The following MAFF variants were observed in gnomAD, a reference collection of about 807,000 sequenced individuals.
MAFF encodes the protein transcription factor MafF.
In MAFF, 4 loss-of-function variants were observed where a neutral mutation model predicts 2.7. The ratio of observed to expected loss-of-function variants is 1.48; its 90% CI spans 0.73 to 3.39. MAFF has a LOEUF of 3.39. Ranked by LOEUF, MAFF falls within the 30% of genes most tolerant of loss-of-function variation. The pLI is 0.01. For synonymous variants in MAFF, 113 were observed against 119.4 expected (o/e 0.95, Z 0.35); for missense variants, 190 against 246.6 (o/e 0.77, Z 1.54).
intron 1 of MAFF, among the ~76,000 whole-genome samples, chr22:38,206,141 C>G (rs1196212834): frequency 6.6e-6 from 1 of 152,148 alleles, no homozygotes; most frequent in African/African-American, 2.4e-5. Context: ...GGTTCCATCT[C>G]TCAGGCCTGG....
chr22:38,204,519 G>A (rs1472826108), intron 1 of MAFF, among the ~76,000 whole-genome samples: 1 of 152,116 alleles, frequency 6.6e-6, no homozygotes, highest in Non-Finnish European at 1.5e-5. Context: ...TTGAATGAAT[G>A]AGCCCTGGAT....
chr22:38,213,723 A>G, intron 1 of MAFF, 100 bp from the exon 2 acceptor site: 1 of 856,824 alleles, frequency 1.2e-6, no homozygotes, highest in South Asian at 1.4e-5. Context: ...ATCAGTTCTA[A>G]GATAGCAGAG....
At chr22:38,210,382 T>A (rs114391168) in intron 1 of MAFF, among the ~76,000 whole-genome samples, 2,331 of 152,194 alleles carry the variant, frequency 0.015, 66 homozygotes, top group African/African-American at 0.053. Context: ...CCCTGGACTG[T>A]CCCCACCTTG....
chr22:38,208,826 G>A (rs544480417), intron 1 of MAFF, among the ~76,000 whole-genome samples: 8 of 152,308 alleles, frequency 5.3e-5, no homozygotes, highest in African/African-American at 1.7e-4. Context: ...GCCAAACAAA[G>A]TAGAGGGGAG....
Position 38,205,842 on chromosome 22 carries a change from G to A in MAFF, c.-32+3630G>A, listed in dbSNP as rs997681780. Among the ~76,000 whole-genome samples the A allele has an allele frequency of 3.3e-5, 5 of 152,236 alleles. No individual in the cohort carries two copies. The South Asian group carries it at 1.0e-3, about 31-fold the overall frequency. ...AGCCTGGCAAAGGCAGAGGACCCAG[G>A]CCCCTTGGCAGCCCCTGGCCTGGGG... On this transcript the variant is annotated intron_variant, in intron 1 of 2. Transcript: ENST00000338483.
intron 1 of MAFF, among the ~76,000 whole-genome samples, chr22:38,210,282 A>T (rs539879671): frequency 1.0e-3 from 153 of 152,278 alleles, no homozygotes; most frequent in Non-Finnish European, 1.7e-3. Context: ...GCAAGCGCCA[A>T]CTTCCTTCTG....
intron 1 of MAFF, chr22:38,203,492 G>A (rs191704085): frequency 2.6e-5 from 4 of 152,338 alleles, no homozygotes; most frequent in African/African-American, 7.2e-5. Flanking sequence ...ACTGCACGGA[G>A]GGTTAATGAG....
intron 1 of MAFF, among the ~76,000 whole-genome samples, chr22:38,206,700 C>T (rs2091054592): frequency 6.6e-6 from 1 of 152,126 alleles, no homozygotes; most frequent in African/African-American, 2.4e-5. Context: ...TGATTATTCC[C>T]ACTTAGCAAG....
rs759821374 is a variant in MAFF at position 38,214,940 on chromosome 22, T to C, written c.*62T>C. On this transcript the variant is annotated 3_prime_UTR_variant, in exon 3 of 3. Coordinates refer to ENST00000338483, the MANE Select transcript of MAFF (RefSeq NM_012323.4). The surrounding 1 kb of genome is among the most constrained non-coding windows in gnomAD (Gnocchi z 6.3). Reference sequence around the variant, plus strand: ...GCCTCAGCTCCCTCCCCAAAGTGCCTGAGCGCCGCCTCTGTGCCCAGGTCC... The same window carrying C: ...GCCTCAGCTCCCTCCCCAAAGTGCCCGAGCGCCGCCTCTGTGCCCAGGTCC... The C allele has an allele frequency of 2.4e-6, 3 of 1,257,108 alleles. 1 individual carries two copies. Among genetic ancestry groups the C allele is most frequent in the South Asian group, 2.6e-5 (2 of 76,040 alleles). 77.9% of individuals were successfully genotyped at this position (1,257,108 alleles called of 1,614,324 possible).
chr22:38,202,300 C>G lies in MAFF; in HGVS notation c.-32+88C>G, dbSNP rs556478469. ...CCGGGATGCGCCTGGGGTGGGCGCC[C>G]GGGCCCGATCCGTCGGGGCTCCCGG... On this transcript the variant is annotated intron_variant, in intron 1 of 2. Coordinates refer to ENST00000338483, the MANE Select transcript of MAFF (RefSeq NM_012323.4). The surrounding 1 kb of genome is among the most constrained non-coding windows in gnomAD (Gnocchi z 7.4). 1 of 152,204 alleles carries G rather than the reference C, an allele frequency of 6.6e-6. No individual in the cohort carries two copies. The highest frequency in any genetic ancestry group is 2.4e-5 in the African/African-American group (1 of 41,572). 9.4% of individuals were successfully genotyped at this position (152,204 alleles called of 1,614,324 possible).
chr22:38,207,363 C>A (rs528757045), intron 1 of MAFF, among the ~76,000 whole-genome samples: 1 of 149,888 alleles, frequency 6.7e-6, no homozygotes, highest in Non-Finnish European at 1.5e-5. Flanking sequence ...CCTCATGATC[C>A]GCCCACCTCG....
In MAFF at chr22:38,214,829, G is replaced by GCCCCGCCCACGGCCCGGA. The variant is rs747019121; in HGVS notation, c.464_481dup (p.Asp155_Pro160dup). The GCCCCGCCCACGGCCCGGA allele has an allele frequency of 8.9e-4, 1,336 of 1,498,630 alleles. 2 individuals carry two copies. Among genetic ancestry groups the GCCCCGCCCACGGCCCGGA allele is most frequent in the Non-Finnish European group, 1.1e-3 (1,198 of 1,128,722 alleles). The allele number at this position is 1,498,630 out of a possible 1,614,324, so 92.8% of individuals were successfully genotyped here. A position where few individuals can be genotyped will look rare whatever the true frequency, so the allele number is the denominator to read the frequency against. The stretch of plus-strand genomic sequence containing the variant: ...AAGTCCACCCCGGGCTCGGGGTCTG[G>GCCCCGCCCACGGCCCGGA]CCCCGCCCACGGCCCGGACCCCGCC... On this transcript the variant is annotated inframe_insertion, in exon 3 of 3. Transcript: ENST00000338483. This position sits in a 1 kb window ranked among gnomAD's most constrained non-coding sequence, Gnocchi z 6.3.
intron 1 of MAFF, among the ~76,000 whole-genome samples, chr22:38,209,746 G>A (rs770148578): frequency 1.6e-4 from 24 of 150,890 alleles, no homozygotes; most frequent in Non-Finnish European, 2.7e-4. Context: ...CCCAGGAGGC[G>A]GAGGTTGCAG....
chr22:38,203,757 G>C (rs1287299272), intron 1 of MAFF: 1 of 152,244 alleles, frequency 6.6e-6, no homozygotes, highest in South Asian at 2.1e-4. Context: ...TGCTACAGCA[G>C]CCCGGACCCT....
intron 1 of MAFF, among the ~76,000 whole-genome samples, chr22:38,208,204 A>G (rs1256955886): frequency 2.0e-5 from 3 of 152,186 alleles, no homozygotes; most frequent in Non-Finnish European, 4.4e-5. Flanking sequence ...TGACCTCTAC[A>G]GTGTATACCA....
chr22:38,212,715 T>A (rs2091110184), intron 1 of MAFF, among the ~76,000 whole-genome samples: 1 of 152,074 alleles, frequency 6.6e-6, no homozygotes, highest in African/African-American at 2.4e-5. Flanking sequence ...GGGAAAACTT[T>A]CCCAAAACAG....
rs956953574 is a variant in MAFF, at chr22:38,202,661, C to G, written c.-32+449C>G. On this transcript the variant is annotated intron_variant, in intron 1 of 2. Coordinates refer to ENST00000338483, the MANE Select transcript of MAFF (RefSeq NM_012323.4). This position sits in a 1 kb window ranked among gnomAD's most constrained non-coding sequence, Gnocchi z 7.4. ...GCCTGGGTATCCTGCCCGGTGCGTG[C>G]GTGCGCTGTGTACCTCGGGGGCGTG... 1 of 153,238 alleles carries G rather than the reference C, an allele frequency of 6.5e-6. No homozygotes were observed. The highest frequency in any genetic ancestry group is 1.4e-5 in the Non-Finnish European group (1 of 69,086). The allele number at this position is 153,238 out of a possible 1,614,324, so 9.5% of individuals were successfully genotyped here.
chr22:38,209,500 G>T (rs868437829), intron 1 of MAFF, among the ~76,000 whole-genome samples: 1 of 152,094 alleles, frequency 6.6e-6, no homozygotes, highest in Non-Finnish European at 1.5e-5. Context: ...GTGTAGGGTG[G>T]TGAGGGTGAC....
chr22:38,214,995 C>A lies in MAFF; in HGVS notation c.*117C>A. On this transcript the variant is annotated 3_prime_UTR_variant, in exon 3 of 3. Coordinates refer to ENST00000338483, the MANE Select transcript of MAFF (RefSeq NM_012323.4). This position sits in a 1 kb window ranked among gnomAD's most constrained non-coding sequence, Gnocchi z 6.3. ...TCTCTGCAGCACTGGCCCCTTGGTGCACACACATTCCCTTCGTGGGCCCTG... is the reference window on the plus strand; with the variant it reads ...TCTCTGCAGCACTGGCCCCTTGGTGAACACACATTCCCTTCGTGGGCCCTG... The A allele has an allele frequency of 1.3e-6, 1 of 770,082 alleles. No individual in the cohort carries two copies. Among genetic ancestry groups the A allele is most frequent in the South Asian group, 1.6e-5 (1 of 63,698 alleles). 47.7% of individuals were successfully genotyped at this position (770,082 alleles called of 1,614,324 possible). A position where few individuals can be genotyped will look rare whatever the true frequency, so the allele number is the denominator to read the frequency against.
Sources: allele counts gnomAD v4.1 joint callset (sites outside exome capture counted in the v4.1 genomes callset), GRCh38; gene constraint gnomAD v4.1.1; non-coding constraint Gnocchi (gnomAD v3.1); transcripts MANE v1.5; gene names NCBI Gene and HGNC (gene_info 2026-07-23, HGNC 2026-07-21).